MAP7: variants seen among roughly 807,000 people sequenced by gnomAD.
MAP7 encodes ensconsin.
A neutral mutation model predicts 94.8 loss-of-function variants in MAP7; 52 were observed. The ratio of observed to expected loss-of-function variants is 0.55; its 90% CI spans 0.44 to 0.69. MAP7 has a LOEUF of 0.69. MAP7 is among the 30% of genes least tolerant of loss of function. MAP7 has a pLI of 0.00. For synonymous variants in MAP7, 350 were observed against 357.0 expected, an observed-to-expected ratio of 0.98 and a Z score of 0.22; for missense variants, 940 against 964.6, an observed-to-expected ratio of 0.97 and a Z score of 0.34.
At chr6:136,540,979 A>C (rs1396816881) in intron 1 of MAP7, among the ~76,000 whole-genome samples, 2 of 152,232 alleles carry the variant, frequency 1.3e-5, no homozygotes, top group African/African-American at 4.8e-5. Flanking sequence ...CTTGGGGTCA[A>C]GGAGTGACCC....
At chr6:136,347,151 G>T (rs956305699) in intron 16 of MAP7, among the ~76,000 whole-genome samples, 5 of 151,768 alleles carry the variant, frequency 3.3e-5, no homozygotes, top group African/African-American at 4.8e-5. Context: ...GCCAAATAAT[G>T]CCTATGCATC....
chr6:136,509,245 C>G (rs906399501), intron 1 of MAP7, among the ~76,000 whole-genome samples: 1 of 152,208 alleles, frequency 6.6e-6, no homozygotes, highest in Non-Finnish European at 1.5e-5. Flanking sequence ...GGCCAACAGT[C>G]CTTTTTAAAC....
intron 1 of MAP7, among the ~76,000 whole-genome samples, chr6:136,510,398 C>T (rs1415620005): frequency 6.6e-6 from 1 of 152,134 alleles, no homozygotes; most frequent in Admixed American, 6.5e-5. Context: ...AAGGCCCAGG[C>T]ATCATTGCAA....
intron 5 of MAP7, among the ~76,000 whole-genome samples, chr6:136,385,399 A>C (rs1005074148): frequency 1.3e-5 from 2 of 152,264 alleles, no homozygotes; most frequent in African/African-American, 2.4e-5. Flanking sequence ...TGTGAGGTAC[A>C]GGGTAGGAAG....
At chr6:136,526,136 C>A in intron 1 of MAP7, 1 of 1,316,138 alleles carries the variant, frequency 7.6e-7, no homozygotes, top group Non-Finnish European at 9.6e-7. Flanking sequence ...ATAGTACCAG[C>A]CACTTGGCAA....
At chr6:136,393,508 C>G (rs1433220180) in intron 3 of MAP7, among the ~76,000 whole-genome samples, 1 of 152,080 alleles carries the variant, frequency 6.6e-6, no homozygotes, top group Admixed American at 6.6e-5. Flanking sequence ...GACAAGTGAC[C>G]CATGGATGGC....
intron 1 of MAP7, among the ~76,000 whole-genome samples, chr6:136,528,537 C>A: frequency 6.6e-6 from 1 of 151,890 alleles, no homozygotes; most frequent in East Asian, 1.9e-4. Context: ...CATAACAAAA[C>A]AAAAAAGCAA....
intron 3 of MAP7, among the ~76,000 whole-genome samples, chr6:136,406,092 T>A (rs970404320): frequency 1.3e-5 from 2 of 152,170 alleles, no homozygotes; most frequent in African/African-American, 4.8e-5. Context: ...GCTCTCTGAA[T>A]AAAAAATTTA....
intron 1 of MAP7, among the ~76,000 whole-genome samples, chr6:136,505,273 G>A (rs7451839): frequency 0.054 from 3,691 of 68,132 alleles, 92 homozygotes; most frequent in East Asian, 0.075. Context: ...GTGTGTGTGT[G>A]TGTGTATATA....
chr6:136,533,527 T>C (rs1182424449), intron 1 of MAP7, among the ~76,000 whole-genome samples: 1 of 152,166 alleles, frequency 6.6e-6, no homozygotes, highest in East Asian at 1.9e-4. Context: ...TTTTAAGACT[T>C]TTCCTCAATC....
intron 1 of MAP7, among the ~76,000 whole-genome samples, chr6:136,472,166 C>T (rs1809246714): frequency 6.6e-6 from 1 of 152,096 alleles, no homozygotes; most frequent in African/African-American, 2.4e-5. Context: ...TTCAATTGTC[C>T]CCTTTCACAT....
chr6:136,421,701 C>T lies in MAP7; in HGVS notation c.166G>A (p.Asp56Asn). ...CCACAGTTAATGCAATGCATCATACCTGGTTTATTTCCTGAGTGGTTGTTA... is the reference window on the plus strand; with the variant it reads ...CCACAGTTAATGCAATGCATCATACTTGGTTTATTTCCTGAGTGGTTGTTA... ...QNNNHSGNKP[D>N]PPPVLRVDDR... Residue 56 changes from aspartate to asparagine, a missense_variant and splice_region_variant, in exon 2 of 18, where the codon GAC becomes AAC. Transcript: ENST00000354570. 1.2e-6 allele frequency: 2 copies of T among 1,613,132 alleles called. No individual in the cohort carries two copies. Among genetic ancestry groups the T allele is most frequent in the South Asian group, 2.2e-5 (2 of 90,984 alleles).
intron 1 of MAP7, among the ~76,000 whole-genome samples, chr6:136,481,200 G>A (rs1388676329): frequency 6.6e-6 from 1 of 152,108 alleles, no homozygotes; most frequent in Admixed American, 6.5e-5. Flanking sequence ...CTACTATGGA[G>A]AACAGTATGA....
In MAP7 at chr6:136,344,219, A is replaced by G; in HGVS notation, c.*9T>C. 1 of 1,329,158 alleles carries G rather than the reference A, an allele frequency of 7.5e-7. No individual in the cohort carries two copies. Among genetic ancestry groups the G allele is most frequent in the Non-Finnish European group, 1.0e-6 (1 of 994,376 alleles). The allele number at this position is 1,329,158 out of a possible 1,614,324, so 82.3% of individuals were successfully genotyped here. A position where few individuals can be genotyped will look rare whatever the true frequency, so the allele number is the denominator to read the frequency against. ...TTAAATTTCAGCTTTGGTTCTTCAG[A>G]AGAAACACTCATATAACTTCTACAT... On this transcript the variant is annotated 3_prime_UTR_variant, in exon 18 of 18. Transcript: ENST00000354570.
chr6:136,474,848 C>T (rs535417158), intron 1 of MAP7, among the ~76,000 whole-genome samples: 12 of 151,854 alleles, frequency 7.9e-5, no homozygotes, highest in African/African-American at 2.4e-4. Context: ...CCCAAGTAGC[C>T]GGGACCACGG....
chr6:136,549,741 C>CCGTG (rs2129064439), intron 1 of MAP7, among the ~76,000 whole-genome samples: 2 of 152,372 alleles, frequency 1.3e-5, no homozygotes, highest in East Asian at 3.9e-4. Flanking sequence ...CAAACCCCCA[C>CCGTG]CGTGCTGCAC....
intron 1 of MAP7, among the ~76,000 whole-genome samples, chr6:136,489,137 G>A (rs1426832999): frequency 6.6e-6 from 1 of 151,778 alleles, no homozygotes; most frequent in African/African-American, 2.4e-5. Flanking sequence ...TTCAAATAAG[G>A]ACATATCTCT....
At chr6:136,361,968 A>T (rs1582671946) in intron 11 of MAP7, among the ~76,000 whole-genome samples, 1 of 152,242 alleles carries the variant, frequency 6.6e-6, no homozygotes, top group South Asian at 2.1e-4. Flanking sequence ...ATAATTATGT[A>T]AATATGTATA....
intron 1 of MAP7, among the ~76,000 whole-genome samples, chr6:136,502,261 G>T (rs1217272096): frequency 1.3e-5 from 2 of 152,204 alleles, no homozygotes; most frequent in Non-Finnish European, 2.9e-5. Context: ...CTCTGTGTGT[G>T]CACACACAAA....
Sources: gnomAD v4.1 joint callset for allele counts (sites outside exome capture counted in the v4.1 genomes callset) on GRCh38, gnomAD v4.1.1 for gene constraint, MANE v1.5 for transcripts, NCBI Gene and HGNC (gene_info 2026-07-23, HGNC 2026-07-21) for gene names.